ENOX1: variants seen among roughly 807,000 people sequenced by gnomAD.
ENOX1 encodes candidate growth-related and time keeping constitutive hydroquinone (NADH) oxidase.
ENOX1 carries 42 observed loss-of-function variants against 82.5 expected under a neutral mutation model. That is an observed-to-expected ratio of 0.51 (90% confidence interval 0.40 to 0.66). ENOX1 has a LOEUF of 0.66. ENOX1 is among the 30% of genes least tolerant of loss of function. The probability of loss-of-function intolerance (pLI) is 0.00; values close to 1 mark genes in which losing one functional copy is unlikely to be tolerated. For missense variants in ENOX1, 608 were observed against 811.6 expected, an observed-to-expected ratio of 0.75 and a Z score of 3.05; for synonymous variants, 271 against 282.2, an observed-to-expected ratio of 0.96 and a Z score of 0.40.
Position 43,484,158 on chromosome 13 carries a change from A to C in ENOX1, c.-218-6T>G, listed in dbSNP as rs2058605909. Reference sequence around the variant, plus strand: ...TTCTGACATATCAGAGGCTTCTGGAAGCAAAGAAAAGCACACCGTTAGGAT... The same window carrying C: ...TTCTGACATATCAGAGGCTTCTGGACGCAAAGAAAAGCACACCGTTAGGAT... On this transcript the variant is annotated splice_polypyrimidine_tract_variant and splice_region_variant and intron_variant, in intron 2 of 16. Transcript: ENST00000690772. 9.1e-6 allele frequency: 9 copies of C among 985,334 alleles called. No individual in the cohort carries two copies. The highest frequency in any genetic ancestry group is 1.1e-5 in the Non-Finnish European group (9 of 829,852). 61.0% of individuals were successfully genotyped at this position (985,334 alleles called of 1,614,324 possible). A position where few individuals can be genotyped will look rare whatever the true frequency, so the allele number is the denominator to read the frequency against.
chr13:43,344,518 G>GC lies in ENOX1; in HGVS notation c.1036+19dup. ...AGGCAAAATCACAACAAAAGAGATG[G>GC]CCCCCAAAATTTTACTTACATTGAG... On this transcript the variant is annotated intron_variant, in intron 9 of 16. Coordinates refer to ENST00000690772, the MANE Select transcript of ENOX1 (RefSeq NM_001347969.2). 6.3e-7 allele frequency: 1 copy of GC among 1,584,294 alleles called. No homozygotes were observed. The highest frequency in any genetic ancestry group is 8.6e-7 in the Non-Finnish European group (1 of 1,158,508).
At chr13:43,723,999 AACC>A (rs1444067422) in intron 1 of ENOX1, among the ~76,000 whole-genome samples, 1 of 152,198 alleles carries the variant, frequency 6.6e-6, no homozygotes, top group Non-Finnish European at 1.5e-5. Flanking sequence ...TTATATTTGA[AACC>A]ACATCATAAA....
intron 5 of ENOX1, among the ~76,000 whole-genome samples, chr13:43,367,242 C>T (rs550002568): frequency 4.0e-4 from 61 of 152,158 alleles, no homozygotes; most frequent in Non-Finnish European, 5.7e-4. Context: ...CATCTAAACC[C>T]GTCTGGCATA....
At chr13:43,260,798 T>C (rs1266080735) in intron 14 of ENOX1, among the ~76,000 whole-genome samples, 6 of 152,184 alleles carry the variant, frequency 3.9e-5, no homozygotes, top group African/African-American at 1.4e-4. Context: ...AGAAAATTTA[T>C]AGGTTTGCTT....
intron 3 of ENOX1, among the ~76,000 whole-genome samples, chr13:43,472,518 G>A (rs190488939): frequency 6.6e-5 from 10 of 152,120 alleles, no homozygotes; most frequent in South Asian, 6.2e-4. Context: ...CACACGGCAC[G>A]GTGCATGTGG....
At chr13:43,381,498 G>C (rs939777073) in intron 5 of ENOX1, among the ~76,000 whole-genome samples, 2 of 135,126 alleles carry the variant, frequency 1.5e-5, no homozygotes, top group Non-Finnish European at 3.2e-5. Flanking sequence ...AAAAAAAAAA[G>C]AGCAAATTGA....
At chr13:43,594,675 A>C (rs904254422) in intron 2 of ENOX1, among the ~76,000 whole-genome samples, 5 of 152,202 alleles carry the variant, frequency 3.3e-5, no homozygotes, top group Admixed American at 2.6e-4. Flanking sequence ...AGTGAAAGAA[A>C]CAAAGAGGGA....
intron 2 of ENOX1, among the ~76,000 whole-genome samples, chr13:43,604,723 A>G (rs1450440722): frequency 6.6e-6 from 1 of 152,192 alleles, no homozygotes; most frequent in Non-Finnish European, 1.5e-5. Context: ...CATGACATCA[A>G]TGCCCACTTT....
chr13:43,591,230 T>C (rs190847784), intron 2 of ENOX1, among the ~76,000 whole-genome samples: 4 of 152,314 alleles, frequency 2.6e-5, no homozygotes, highest in Admixed American at 2.0e-4. Flanking sequence ...AAAACCCAAC[T>C]ATGAACAATT....
intron 1 of ENOX1, among the ~76,000 whole-genome samples, chr13:43,737,611 A>T (rs1416568118): frequency 1.3e-5 from 2 of 152,200 alleles, no homozygotes. Flanking sequence ...ACATTACCCA[A>T]ATGCATATTC....
chr13:43,677,766 T>C (rs181681628), intron 1 of ENOX1, among the ~76,000 whole-genome samples: 1 of 152,222 alleles, frequency 6.6e-6, no homozygotes, highest in Non-Finnish European at 1.5e-5. Context: ...CAAAGAGATT[T>C]AGAATCATGC....
intron 3 of ENOX1, among the ~76,000 whole-genome samples, chr13:43,440,810 T>C (rs1006352505): frequency 6.6e-6 from 1 of 152,194 alleles, no homozygotes; most frequent in African/African-American, 2.4e-5. Flanking sequence ...ATAAGAATGA[T>C]ACAAGAATAC....
rs1158214609 is a variant in ENOX1, at chr13:43,470,204, G to A, written c.-75+13805C>T. ...TATATGTGTGTGTGTATATATATAT[G>A]TGTATATATATATGTGTGTGTATGT... On this transcript the variant is annotated intron_variant, in intron 3 of 16. Coordinates refer to ENST00000690772, the MANE Select transcript of ENOX1 (RefSeq NM_001347969.2). 1.4e-5 allele frequency among the ~76,000 whole-genome samples: 2 copies of A among 138,706 alleles called. 1 individual carries two copies. The highest frequency in any genetic ancestry group is 3.1e-5 in the Non-Finnish European group (2 of 65,162). The allele number at this position is 138,706 out of a possible 152,430, so 91.0% of individuals were successfully genotyped here.
At chr13:43,624,809 C>G (rs1158434849) in intron 2 of ENOX1, among the ~76,000 whole-genome samples, 1 of 152,072 alleles carries the variant, frequency 6.6e-6, no homozygotes. Context: ...TCTACATAAT[C>G]TCATAAAATT....
intron 2 of ENOX1, among the ~76,000 whole-genome samples, chr13:43,666,903 A>C (rs560131551): frequency 2.0e-5 from 3 of 152,326 alleles, no homozygotes; most frequent in African/African-American, 7.2e-5. Context: ...AAGATAGCTC[A>C]TATCCTAAGG....
intron 14 of ENOX1, among the ~76,000 whole-genome samples, chr13:43,250,369 T>C (rs988967727): frequency 2.6e-5 from 4 of 152,202 alleles, no homozygotes; most frequent in African/African-American, 7.2e-5. Flanking sequence ...CCTCTCTTCA[T>C]TGGGCATGTG....
chr13:43,473,468 T>C (rs2058154662), intron 3 of ENOX1, among the ~76,000 whole-genome samples: 1 of 152,202 alleles, frequency 6.6e-6, no homozygotes, highest in South Asian at 2.1e-4. Flanking sequence ...TGAGTGGAAA[T>C]GATCTCAGAA....
chr13:43,447,757 T>C (rs17064560), intron 3 of ENOX1, among the ~76,000 whole-genome samples: 7,991 of 152,248 alleles, frequency 0.052, 750 homozygotes, highest in African/African-American at 0.18. Context: ...GCTAGTAGTT[T>C]TGAAGTTATA....
intron 1 of ENOX1, among the ~76,000 whole-genome samples, chr13:43,763,929 T>C (rs916741211): frequency 1.3e-5 from 2 of 152,220 alleles, no homozygotes; most frequent in Non-Finnish European, 2.9e-5. Context: ...ATATATAAGA[T>C]TCATAGAGAA....
Sources: allele counts gnomAD v4.1 joint callset (sites outside exome capture counted in the v4.1 genomes callset), GRCh38; gene constraint gnomAD v4.1.1; transcripts MANE v1.5; gene names NCBI Gene and HGNC (gene_info 2026-07-23, HGNC 2026-07-21).